The following PAK4 variants were observed in gnomAD, a reference collection of about 807,000 sequenced individuals.
PAK4 encodes serine/threonine-protein kinase PAK 4.
PAK4 carries 49 observed loss-of-function variants against 53.5 expected under a neutral mutation model. The observed-to-expected ratio is 0.92, with a 90% CI of 0.73 to 1.16. The LOEUF is 1.16. Among genes scored for constraint, PAK4 ranks in the 50% most tolerant of loss-of-function variants. The pLI is 0.00. For missense variants in PAK4, 824 were observed against 850.7 expected, an observed-to-expected ratio of 0.97 and a Z score of 0.39; for synonymous variants, 376 against 375.6, an observed-to-expected ratio of 1.00 and a Z score of -0.01.
At chr19:39,180,037 G>A (rs1366051317), downstream of PAK4, 2 of 152,360 alleles carry the variant, frequency 1.3e-5, no homozygotes, top group Non-Finnish European at 2.9e-5. Flanking sequence ...AGAGCCAGGA[G>A]TGAGCCTCCG....
At chr19:39,156,342 C>T (rs538975900) in intron 1 of PAK4, among the ~76,000 whole-genome samples, 4 of 152,020 alleles carry the variant, frequency 2.6e-5, no homozygotes, top group East Asian at 1.9e-4. Context: ...GCCACCCCCA[C>T]GTACATACCC....
chr19:39,180,592 T>G (rs1380923380), downstream of PAK4: 1 of 152,000 alleles, frequency 6.6e-6, no homozygotes, highest in Non-Finnish European at 1.5e-5. Flanking sequence ...TTACAGGCGC[T>G]TGCCACCACG....
intron 1 of PAK4, among the ~76,000 whole-genome samples, chr19:39,141,234 A>G (rs986825208): frequency 6.6e-6 from 1 of 152,060 alleles, no homozygotes; most frequent in Admixed American, 6.5e-5. Flanking sequence ...AGCAAATCCC[A>G]AACGTCGTAC....
Position 39,175,158 on chromosome 19 carries a change from G to C in PAK4, c.1232+94G>C, listed in dbSNP as rs545246034. On this transcript the variant is annotated intron_variant, in intron 5 of 8. Transcript: ENST00000358301. This position sits in a 1 kb window ranked among gnomAD's most constrained non-coding sequence, Gnocchi z 4.7. Reference sequence around the variant, plus strand: ...CACATCTCCAAACCAGCTGTGCTCCGGGCCCCTGGGATGGGGTCGTGTCTT... The same window carrying C: ...CACATCTCCAAACCAGCTGTGCTCCCGGCCCCTGGGATGGGGTCGTGTCTT... 2.4e-5 allele frequency: 36 copies of C among 1,517,556 alleles called. 1 individual carries two copies. The South Asian group carries it at 3.0e-4, about 13-fold the overall frequency. The allele number at this position is 1,517,556 out of a possible 1,614,324, so 94.0% of individuals were successfully genotyped here.
At chr19:39,143,592 C>CAAAAAAAAAAAAAAAAAAAAAAA (rs544304301) in intron 1 of PAK4, among the ~76,000 whole-genome samples, 2 of 20,430 alleles carry the variant, frequency 9.8e-5, no homozygotes, top group African/African-American at 1.6e-4. Context: ...GACTCTGTCT[C>CAAAAAAAAAAAAAAAAAAAAAAA]AAAAAAAAAA....
Position 39,173,587 on chromosome 19 carries a change from T to A in PAK4, c.675T>A (p.His225Gln), listed in dbSNP as rs1454421051. 1 of 1,522,964 alleles carries A rather than the reference T, an allele frequency of 6.6e-7. No homozygotes were observed. Among genetic ancestry groups the A allele is most frequent in the African/African-American group, 1.4e-5 (1 of 71,976 alleles). The allele number at this position is 1,522,964 out of a possible 1,614,324, so 94.3% of individuals were successfully genotyped here. A position where few individuals can be genotyped will look rare whatever the true frequency, so the allele number is the denominator to read the frequency against. The change falls in exon 4 of 9, where the codon CAT becomes CAA. Residue 225 changes from histidine to glutamine, a missense_variant. By Grantham distance (24) the His-to-Gln change is conservative. Coordinates refer to ENST00000358301, the Ensembl canonical transcript of PAK4. The surrounding 1 kb of genome is among the most constrained non-coding windows in gnomAD (Gnocchi z 6.9). Reference sequence around the variant, plus strand: ...CTCTTCTGTTTCAGGGGGAGCCTCATGACGTGGCCCCTAACGGGCCATCAG... The same window carrying A: ...CTCTTCTGTTTCAGGGGGAGCCTCAAGACGTGGCCCCTAACGGGCCATCAG...
At chr19:39,147,800 A>G (rs1238790715) in intron 1 of PAK4, among the ~76,000 whole-genome samples, 1 of 111,638 alleles carries the variant, frequency 9.0e-6, no homozygotes, top group Non-Finnish European at 1.8e-5. Context: ...AGGTCTCTTC[A>G]TGTCTTCTGC....
chr19:39,126,635 A>C (rs2073588524), intron 1 of PAK4, among the ~76,000 whole-genome samples: 1 of 152,154 alleles, frequency 6.6e-6, no homozygotes. Flanking sequence ...TTAAGAGGTT[A>C]AGTGATTTGC....
intron 1 of PAK4, among the ~76,000 whole-genome samples, chr19:39,138,952 T>TG (rs1432991098): frequency 6.6e-6 from 1 of 151,866 alleles, no homozygotes; most frequent in Non-Finnish European, 1.5e-5. Flanking sequence ...AGTGGGTCAG[T>TG]GGGGGGTTCT....
At chr19:39,128,295 A>C (rs1055013126) in intron 1 of PAK4, among the ~76,000 whole-genome samples, 6 of 152,036 alleles carry the variant, frequency 3.9e-5, no homozygotes, top group African/African-American at 1.4e-4. Flanking sequence ...CCACCCCACC[A>C]CTGCCTGGGG....
At chr19:39,167,045 C>T (rs1459635417) in intron 1 of PAK4, among the ~76,000 whole-genome samples, 1 of 152,210 alleles carries the variant, frequency 6.6e-6, no homozygotes, top group African/African-American at 2.4e-5. Flanking sequence ...AGGACATCCC[C>T]CAGACCCCAT....
At chr19:39,151,706 A>C (rs1185891565) in intron 1 of PAK4, among the ~76,000 whole-genome samples, 1 of 152,242 alleles carries the variant, frequency 6.6e-6, no homozygotes, top group Non-Finnish European at 1.5e-5. Context: ...CTGTGGTTTC[A>C]GTTACCTGTG....
chr19:39,177,577 A>C (rs1394988460), intron 7 of PAK4, 98 bp from the exon 9 acceptor site: 1 of 1,329,054 alleles, frequency 7.5e-7, no homozygotes, highest in African/African-American at 1.5e-5. Context: ...TCCAGGAGCC[A>C]GAGGCAGAGA....
At position 39,169,508 on chromosome 19, in the gene PAK4, ACCCAC is replaced by A; in HGVS notation, c.-22-22_-22-18del. 6.5e-7 allele frequency: 1 copy of A among 1,532,858 alleles called. No individual in the cohort carries two copies. The highest frequency in any genetic ancestry group is 1.1e-5 in the South Asian group (1 of 89,020). 95.0% of individuals were successfully genotyped at this position (1,532,858 alleles called of 1,614,324 possible). On this transcript the variant is annotated intron_variant, in intron 1 of 8. Transcript: ENST00000358301. ...AAGAGACATGGGCAGGCTCTCACTC[ACCCAC>A]CGTGATTCCCTCCCGCAGGCCGCAC...
intron 1 of PAK4, among the ~76,000 whole-genome samples, chr19:39,151,578 T>C (rs1382604039): frequency 1.3e-5 from 2 of 152,194 alleles, no homozygotes; most frequent in Non-Finnish European, 2.9e-5. Flanking sequence ...TCTGGCCCGA[T>C]GGGGACTGGC....
chr19:39,127,260 A>G (rs1187762391), intron 1 of PAK4, among the ~76,000 whole-genome samples: 1 of 151,694 alleles, frequency 6.6e-6, no homozygotes, highest in Non-Finnish European at 1.5e-5. Context: ...CTCACTTCTT[A>G]TGGCTCTGCC....
rs770459540 is a variant in PAK4 at position 39,173,785 on chromosome 19, A to C, written c.873A>C (p.Ser291=). 1.2e-6 allele frequency: 2 copies of C among 1,604,364 alleles called. No homozygotes were observed. Among genetic ancestry groups the C allele is most frequent in the East Asian group, 4.5e-5 (2 of 44,388 alleles). Reference sequence around the variant, plus strand: ...TTCCTGGGCCCCCTGGCCCCCGCTCACCACAGCGGGAGCCACAGCGAGTAT... The same window carrying C: ...TTCCTGGGCCCCCTGGCCCCCGCTCCCCACAGCGGGAGCCACAGCGAGTAT... The change falls in exon 4 of 9, where the codon TCA becomes TCC. Residue 291 remains serine (S), a synonymous_variant. Coordinates refer to ENST00000358301, the Ensembl canonical transcript of PAK4. This position sits in a 1 kb window ranked among gnomAD's most constrained non-coding sequence, Gnocchi z 6.9.
intron 1 of PAK4, among the ~76,000 whole-genome samples, chr19:39,127,556 T>C (rs924757325): frequency 1.3e-5 from 2 of 152,162 alleles, no homozygotes; most frequent in African/African-American, 4.8e-5. Context: ...AAGCCCTGCC[T>C]GGCCTGCAGA....
intron 1 of PAK4, among the ~76,000 whole-genome samples, chr19:39,164,760 T>C (rs1447229354): frequency 2.0e-5 from 3 of 152,144 alleles, no homozygotes; most frequent in Non-Finnish European, 4.4e-5. Flanking sequence ...TTTACCTTTG[T>C]GAGTCTCTGT....
Sources: gnomAD v4.1 joint callset for allele counts (sites outside exome capture counted in the v4.1 genomes callset) on GRCh38, gnomAD v4.1.1 for gene constraint, Gnocchi (gnomAD v3.1) non-coding constraint, MANE v1.5 for transcripts, NCBI Gene and HGNC (gene_info 2026-07-23, HGNC 2026-07-21) for gene names.